The following MBP variants were observed in gnomAD, a reference collection of about 807,000 sequenced individuals.
MBP encodes the protein Golli-MBP.
Under a neutral mutation model 35.8 loss-of-function variants are expected in MBP, and 16 were observed. That is an observed-to-expected ratio of 0.45 (90% CI 0.30 to 0.68). The LOEUF (loss-of-function observed/expected upper bound fraction) is 0.68, where lower values mean the gene tolerates loss of function less well. Ranked by LOEUF, MBP falls within the 30% of genes least tolerant of loss-of-function variation. MBP has a pLI of 0.08. For missense variants in MBP, 380 were observed against 404.7 expected, an observed-to-expected ratio of 0.94 and a Z score of 0.52; for synonymous variants, 143 against 159.6, an observed-to-expected ratio of 0.90 and a Z score of 0.78.
chr18:77,090,619 C>G (rs1286071151), intron 2 of MBP, among the ~76,000 whole-genome samples: 2 of 152,196 alleles, frequency 1.3e-5, no homozygotes, highest in Non-Finnish European at 2.9e-5. Context: ...TGTCTGATGG[C>G]CCCATGCTCT....
chr18:77,016,248 T>TA lies in MBP; in HGVS notation c.576+583dup, dbSNP rs1238039351. On this transcript the variant is annotated intron_variant, in intron 4 of 8. Coordinates refer to ENST00000355994, the MANE Select transcript of MBP (RefSeq NM_001025101.2). ...GCAAATTAATGGAATCACAAGATAA[T>TA]AAAGCTTTGATTCATAGACACTCAT... 1.8e-5 allele frequency: 18 copies of TA among 984,414 alleles called. No individual in the cohort carries two copies. In the Admixed American group the frequency reaches 1.9e-4, roughly 10 times the overall value. 61.0% of individuals were successfully genotyped at this position (984,414 alleles called of 1,614,324 possible).
chr18:77,014,547 C>T, intron 4 of MBP: 1 of 985,460 alleles, frequency 1.0e-6, no homozygotes, highest in African/African-American at 1.7e-5. Context: ...CAGGGGCTCT[C>T]CTGATTTGTA....
At chr18:77,018,748 TCATCCATCCATCCATC>T (rs141460752) in intron 3 of MBP, among the ~76,000 whole-genome samples, 4 of 95,596 alleles carry the variant, frequency 4.2e-5, no homozygotes, top group East Asian at 6.6e-4. Flanking sequence ...ATCTATCCAC[TCATCCATCCATCCATC>T]CATCCATCCA....
intron 2 of MBP, among the ~76,000 whole-genome samples, chr18:77,073,331 A>G (rs1974524053): frequency 6.6e-6 from 1 of 152,218 alleles, no homozygotes; most frequent in Admixed American, 6.5e-5. Flanking sequence ...TTGAGATTTT[A>G]TCTACCCGAA....
intron 4 of MBP, among the ~76,000 whole-genome samples, chr18:76,991,454 G>A (rs1406188301): frequency 6.6e-6 from 1 of 152,208 alleles, no homozygotes; most frequent in East Asian, 1.9e-4. Context: ...GGGATGCTGC[G>A]GCTTTTGCAG....
At chr18:77,126,540 G>T (rs1977057008) in intron 1 of MBP, among the ~76,000 whole-genome samples, 2 of 152,074 alleles carry the variant, frequency 1.3e-5, no homozygotes, top group Non-Finnish European at 2.9e-5. Flanking sequence ...AACCAGTACG[G>T]TAAGATAAGA....
chr18:77,033,762 C>CCATT (rs773530157), intron 3 of MBP, among the ~76,000 whole-genome samples: 1,758 of 33,256 alleles, frequency 0.053, 50 homozygotes, highest in African/African-American at 0.13. Context: ...ATCCACCCAT[C>CCATT]CATCCATCCA....
chr18:77,075,520 C>T (rs11662063), intron 2 of MBP, among the ~76,000 whole-genome samples: 17,088 of 152,210 alleles, frequency 0.11, 1,180 homozygotes, highest in South Asian at 0.21. Context: ...CTGAAGCTCC[C>T]AGGGTGGGGG....
Position 77,023,701 on chromosome 18 carries a change from C to G in MBP, c.140-6433G>C, listed in dbSNP as rs1328273965. Among the ~76,000 whole-genome samples, 6 of 152,314 alleles carry G rather than the reference C, an allele frequency of 3.9e-5. No individual in the cohort carries two copies. In the East Asian group the frequency reaches 1.2e-3, roughly 29 times the overall value. ...ATGTGCAATGCTGCAGGCCCTTGAC[C>G]TCTGTGGTCTCAACAATGGCCACGC... On this transcript the variant is annotated intron_variant, in intron 3 of 8. Transcript: ENST00000355994.
intron 4 of MBP, among the ~76,000 whole-genome samples, chr18:76,993,374 G>A (rs1026367088): frequency 3.5e-5 from 3 of 86,408 alleles, no homozygotes; most frequent in African/African-American, 1.1e-4. Context: ...GCAATATGGT[G>A]AAACCCCTCT....
In MBP at chr18:77,039,489, A is replaced by T. The variant is rs927984032; in HGVS notation, c.140-22221T>A. 2.0e-5 allele frequency among the ~76,000 whole-genome samples: 3 copies of T among 152,180 alleles called. No homozygotes were observed. The East Asian group carries it at 5.8e-4, about 29-fold the overall frequency. The stretch of plus-strand genomic sequence containing the variant: ...GGTTTTAATTTCATAAATGAAATGG[A>T]TGAGAATTATTTTAAAACCAGAAGA... On this transcript the variant is annotated intron_variant, in intron 3 of 8. Coordinates refer to ENST00000355994, the MANE Select transcript of MBP (RefSeq NM_001025101.2).
At chr18:77,100,271 C>T (rs1975945421) in intron 2 of MBP, among the ~76,000 whole-genome samples, 1 of 152,164 alleles carries the variant, frequency 6.6e-6, no homozygotes, top group Admixed American at 6.5e-5. Flanking sequence ...AGAGAAGATG[C>T]TTTCTACAAG....
At chr18:77,123,653 T>C (rs1976955087) in intron 1 of MBP, among the ~76,000 whole-genome samples, 1 of 152,180 alleles carries the variant, frequency 6.6e-6, no homozygotes, top group South Asian at 2.1e-4. Flanking sequence ...TGCATTTAAT[T>C]TGAATTCTCA....
Position 77,020,080 on chromosome 18 carries a change from G to A in MBP, c.140-2812C>T, listed in dbSNP as rs949445497. On this transcript the variant is annotated intron_variant, in intron 3 of 8. Coordinates refer to ENST00000355994, the MANE Select transcript of MBP (RefSeq NM_001025101.2). The surrounding 1 kb of genome is among the most constrained non-coding windows in gnomAD (Gnocchi z 4.1). Reference sequence around the variant, plus strand: ...GACAGGGCTTGGTTTGGGGAGCAGCGGGGCCTGGGGAGGGAAGATTCTAGT... The same window carrying A: ...GACAGGGCTTGGTTTGGGGAGCAGCAGGGCCTGGGGAGGGAAGATTCTAGT... Among the ~76,000 whole-genome samples the A allele has an allele frequency of 1.3e-5, 2 of 152,182 alleles. No individual in the cohort carries two copies. The highest frequency in any genetic ancestry group is 2.4e-5 in the African/African-American group (1 of 41,434).
intron 4 of MBP, among the ~76,000 whole-genome samples, chr18:76,998,356 A>C (rs983663875): frequency 2.6e-5 from 4 of 152,100 alleles, no homozygotes; most frequent in Non-Finnish European, 5.9e-5. Context: ...TTCCACCGTT[A>C]GGCTGAACGA....
rs768186985 is a variant in MBP at position 77,066,384 on chromosome 18, T to C, written c.53A>G (p.Asn18Ser). The C allele has an allele frequency of 6.2e-6, 10 of 1,602,576 alleles. No individual in the cohort carries two copies. Among genetic ancestry groups the C allele is most frequent in the African/African-American group, 1.3e-5 (1 of 74,666 alleles). Residue 18 changes from asparagine to serine, a missense_variant and splice_region_variant, in exon 3 of 9, where the codon AAT becomes AGT. Physicochemically the swap from Asn to Ser is conservative, Grantham distance 46. Coordinates refer to ENST00000355994, the MANE Select transcript of MBP (RefSeq NM_001025101.2). ...AGATTCTCCTCTGTTAGTTTCACTA[T>C]TCTGGAAAAAGAAAACACAACAAAC... ...RELNAEKAST[N>S]SETNRGESEK...
chr18:77,042,333 C>T (rs1973046762), intron 3 of MBP, among the ~76,000 whole-genome samples: 1 of 152,184 alleles, frequency 6.6e-6, no homozygotes, highest in Non-Finnish European at 1.5e-5. Flanking sequence ...TGACTCTCAG[C>T]CCTGGGCACC....
chr18:76,995,337 G>A (rs1003032179), intron 4 of MBP, among the ~76,000 whole-genome samples: 6 of 152,182 alleles, frequency 3.9e-5, no homozygotes, highest in African/African-American at 9.6e-5. Flanking sequence ...GAGACAGGTG[G>A]ATTCTAAAAC....
At chr18:77,063,004 G>T (rs895045750) in intron 3 of MBP, among the ~76,000 whole-genome samples, 18 of 152,122 alleles carry the variant, frequency 1.2e-4, no homozygotes, top group African/African-American at 4.1e-4. Flanking sequence ...ACACGATCAC[G>T]GTGACTTGTG....
Sources: gnomAD v4.1 joint callset for allele counts (sites outside exome capture counted in the v4.1 genomes callset) on GRCh38, gnomAD v4.1.1 for gene constraint, Gnocchi (gnomAD v3.1) non-coding constraint, MANE v1.5 for transcripts, NCBI Gene and HGNC (gene_info 2026-07-23, HGNC 2026-07-21) for gene names.